PRDM16: variants seen among roughly 807,000 people sequenced by gnomAD.
The protein encoded by PRDM16 is PR/SET domain 16, also known as histone-lysine N-methyltransferase PRDM16.
In PRDM16, 23 loss-of-function variants were observed where a neutral mutation model predicts 110.6. The observed-to-expected ratio is 0.21, with a 90% confidence interval of 0.15 to 0.29. The LOEUF (loss-of-function observed/expected upper bound fraction) is 0.29. Ranked by LOEUF, PRDM16 falls within the 10% of genes least tolerant of loss-of-function variation. The probability of loss-of-function intolerance (pLI) is 1.00; values close to 1 mark genes in which losing one functional copy is unlikely to be tolerated. For missense variants in PRDM16, 1,615 were observed against 1,794.3 expected (o/e 0.90, Z 1.81); for synonymous variants, 799 against 781.8 (o/e 1.02, Z -0.37).
In PRDM16 at chr1:3,411,811, C is replaced by A. The variant is rs375659212; in HGVS notation, c.1614C>A (p.Pro538=). The A allele has an allele frequency of 6.4e-5, 103 of 1,611,666 alleles. No homozygotes were observed. The highest frequency in any genetic ancestry group is 8.3e-5 in the Admixed American group (5 of 59,952). ...LLPPTSLLKS[P]LNHTQDAKLP... The stretch of plus-strand genomic sequence containing the variant: ...CTCCCACATCGCTGCTCAAGAGCCC[C>A]CTGAACCACACCCAGGACGCCAAGC... Residue 538 remains proline (P), a synonymous_variant, in exon 9 of 17, where the codon CCC becomes CCA. Coordinates refer to ENST00000270722, the MANE Select transcript of PRDM16 (RefSeq NM_022114.4).
intron 3 of PRDM16, among the ~76,000 whole-genome samples, chr1:3,254,804 T>C (rs1212199503): frequency 6.6e-6 from 1 of 152,016 alleles, no homozygotes; most frequent in African/African-American, 2.4e-5. Flanking sequence ...TGGAAAAAAC[T>C]ACTTTAAAGT....
chr1:3,114,400 GCACACACACGCA>G (rs1642892164), intron 1 of PRDM16, among the ~76,000 whole-genome samples: 1 of 97,870 alleles, frequency 1.0e-5, no homozygotes, highest in Non-Finnish European at 2.2e-5. Flanking sequence ...GCACGCACGC[GCACACACACGCA>G]CACACATGCA....
intron 2 of PRDM16, among the ~76,000 whole-genome samples, chr1:3,191,937 C>T (rs1313822484): frequency 6.6e-6 from 1 of 152,164 alleles, no homozygotes; most frequent in Non-Finnish European, 1.5e-5. Context: ...CTGGAGGGCC[C>T]CAAGTGCTGA....
At chr1:3,203,082 G>T (rs1638671235) in intron 2 of PRDM16, among the ~76,000 whole-genome samples, 1 of 152,184 alleles carries the variant, frequency 6.6e-6, no homozygotes, top group African/African-American at 2.4e-5. Flanking sequence ...TGTCATGTGG[G>T]GTCACCAAGA....
chr1:3,398,819 AAG>A (rs1468188450), intron 5 of PRDM16, among the ~76,000 whole-genome samples: 3 of 152,234 alleles, frequency 2.0e-5, no homozygotes, highest in Non-Finnish European at 4.4e-5. Context: ...CTGCCAGATG[AAG>A]AGAGTTTCAT....
intron 2 of PRDM16, among the ~76,000 whole-genome samples, chr1:3,197,673 G>A (rs992619334): frequency 4.6e-5 from 7 of 152,314 alleles, no homozygotes; most frequent in South Asian, 2.1e-4. Flanking sequence ...AGCAGGCTTC[G>A]CAGGGAGCAG....
At chr1:3,077,901 A>G (rs1016230066) in intron 1 of PRDM16, among the ~76,000 whole-genome samples, 1 of 152,208 alleles carries the variant, frequency 6.6e-6, no homozygotes, top group Non-Finnish European at 1.5e-5. Flanking sequence ...CAGCCCTGAA[A>G]TAAAACATGA....
At chr1:3,194,733 C>T (rs1461513323) in intron 2 of PRDM16, among the ~76,000 whole-genome samples, 1 of 152,142 alleles carries the variant, frequency 6.6e-6, no homozygotes, top group Non-Finnish European at 1.5e-5. Context: ...CCGCCACACG[C>T]CACCGTCTGA....
chr1:3,188,655 G>T (rs1004301130), intron 2 of PRDM16, among the ~76,000 whole-genome samples: 6 of 152,220 alleles, frequency 3.9e-5, no homozygotes, highest in African/African-American at 1.4e-4. Context: ...GCAGGATCTC[G>T]CCTGACCTTG....
intron 3 of PRDM16, among the ~76,000 whole-genome samples, chr1:3,312,639 C>T (rs1641490945): frequency 1.3e-5 from 2 of 152,250 alleles, no homozygotes; most frequent in African/African-American, 2.4e-5. Context: ...ACCGTGCACC[C>T]TCCTGTGCAG....
Position 3,201,017 on chromosome 1 carries a change from G to A in PRDM16, c.387+14543G>A, listed in dbSNP as rs1418250057. 3.3e-5 allele frequency among the ~76,000 whole-genome samples: 5 copies of A among 152,222 alleles called. No individual in the cohort carries two copies. The East Asian group carries it at 5.8e-4, about 18-fold the overall frequency. ...GAAGGGGAAGAGGAGGAGGACAGCT[G>A]AGAGCTGTGAGTCCAGGGTCAACCC... On this transcript the variant is annotated intron_variant, in intron 2 of 16. Transcript: ENST00000270722. This position sits in a 1 kb window ranked among gnomAD's most constrained non-coding sequence, Gnocchi z 4.1.
intron 5 of PRDM16, among the ~76,000 whole-genome samples, chr1:3,398,569 A>C (rs1276255540): frequency 2.0e-5 from 3 of 152,216 alleles, no homozygotes. Flanking sequence ...AGCTCCTTTG[A>C]GCCTCGAGTC....
intron 2 of PRDM16, among the ~76,000 whole-genome samples, chr1:3,196,553 C>T (rs532380671): frequency 2.6e-5 from 4 of 152,302 alleles, no homozygotes; most frequent in East Asian, 1.9e-4. Flanking sequence ...TGGGATTCTG[C>T]GGTGGCCCCA....
intron 1 of PRDM16, among the ~76,000 whole-genome samples, chr1:3,121,185 C>T (rs557305791): frequency 6.6e-6 from 1 of 152,266 alleles, no homozygotes; most frequent in South Asian, 2.1e-4. Flanking sequence ...CAGGCCTGGC[C>T]CCCGAGCTGC....
chr1:3,248,860 C>T lies in PRDM16; in HGVS notation c.438+4723C>T, dbSNP rs910708019. 3.9e-5 allele frequency among the ~76,000 whole-genome samples: 6 copies of T among 152,346 alleles called. 1 individual carries two copies. The highest frequency in any genetic ancestry group is 8.8e-5 in the Non-Finnish European group (6 of 68,034). ...ATAGCCCGGCCCGGGCAAAATGCCTCTGGTAACGAGGAGTCCAGAGGTTTC... is the reference window on the plus strand; with the variant it reads ...ATAGCCCGGCCCGGGCAAAATGCCTTTGGTAACGAGGAGTCCAGAGGTTTC... On this transcript the variant is annotated intron_variant, in intron 3 of 16. Transcript: ENST00000270722.
intron 14 of PRDM16, among the ~76,000 whole-genome samples, chr1:3,429,530 C>T (rs1638708755): frequency 6.6e-6 from 1 of 152,208 alleles, no homozygotes; most frequent in African/African-American, 2.4e-5. Context: ...TCAGAGTGGA[C>T]AGGGAGGGGT....
intron 3 of PRDM16, among the ~76,000 whole-genome samples, chr1:3,325,926 G>A (rs1287725667): frequency 2.0e-5 from 2 of 101,998 alleles, no homozygotes; most frequent in African/African-American, 8.2e-5. Context: ...GGCCCTCCTC[G>A]GCCCTCTTGG....
chr1:3,217,915 C>T (rs1056050323), intron 2 of PRDM16, among the ~76,000 whole-genome samples: 1 of 152,360 alleles, frequency 6.6e-6, no homozygotes, highest in Middle Eastern at 3.4e-3. Context: ...GGACTGCTGC[C>T]ACCGGCCTCT....
chr1:3,385,835 G>T (rs1277933341), intron 4 of PRDM16, among the ~76,000 whole-genome samples: 1 of 152,224 alleles, frequency 6.6e-6, no homozygotes, highest in Non-Finnish European at 1.5e-5. Context: ...AGCGAACCAG[G>T]CAAGAGATAC....
Sources: gnomAD v4.1 joint callset for allele counts (sites outside exome capture counted in the v4.1 genomes callset) on GRCh38, gnomAD v4.1.1 for gene constraint, Gnocchi (gnomAD v3.1) non-coding constraint, MANE v1.5 for transcripts, NCBI Gene and HGNC (gene_info 2026-07-23, HGNC 2026-07-21) for gene names.